The following GRK1 variants were observed in gnomAD, a reference collection of about 807,000 sequenced individuals.
GRK1 encodes the protein G protein-coupled receptor kinase 1.
A neutral mutation model predicts 41.7 loss-of-function variants in GRK1; 28 were observed. That is an observed-to-expected ratio of 0.67 (90% CI 0.50 to 0.92). The LOEUF (loss-of-function observed/expected upper bound fraction) is 0.92. Ranked by LOEUF, GRK1 falls within the 40% of genes least tolerant of loss-of-function variation. The probability of loss-of-function intolerance (pLI) is 0.00; values close to 1 mark genes in which losing one functional copy is unlikely to be tolerated. For synonymous variants in GRK1, 327 were observed against 286.7 expected, an observed-to-expected ratio of 1.14 and a Z score of -1.42; for missense variants, 703 against 671.2, an observed-to-expected ratio of 1.05 and a Z score of -0.52.
At chr13:113,733,815 G>C (rs1267462553) in intron 6 of GRK1, among the ~76,000 whole-genome samples, 1 of 105,092 alleles carries the variant, frequency 9.5e-6, no homozygotes, top group East Asian at 2.4e-4. Context: ...GTGTGCATAC[G>C]TGTGTGCGTG....
the GRK1 span, chr13:113,653,314 A>T: frequency 1.2e-6 from 2 of 1,611,102 alleles, no homozygotes; most frequent in Admixed American, 1.7e-5. Context: ...GCCGTTTCAC[A>T]CCTCACCTGC....
Position 113,731,353 on chromosome 13 carries a change from G to A in GRK1, c.1194+10G>A, listed in dbSNP as rs1257183494. Reference sequence around the variant, plus strand: ...AGCCCGTGGAGAGAAGGTAGGAGGCGGCCGGCAGGTGTCTCTGCAGCCACC... The same window carrying A: ...AGCCCGTGGAGAGAAGGTAGGAGGCAGCCGGCAGGTGTCTCTGCAGCCACC... On this transcript the variant is annotated intron_variant, in intron 5 of 6. Coordinates refer to ENST00000335678, the MANE Select transcript of GRK1 (RefSeq NM_002929.3). The surrounding 1 kb of genome is among the most constrained non-coding windows in gnomAD (Gnocchi z 5.6). 25 of 1,536,502 alleles carry A rather than the reference G, an allele frequency of 1.6e-5. No homozygotes were observed. Among genetic ancestry groups the A allele is most frequent in the South Asian group, 1.2e-4 (10 of 84,042 alleles).
chr13:113,656,880 G>A, the GRK1 span, among the ~76,000 whole-genome samples: 5 of 152,206 alleles, frequency 3.3e-5, no homozygotes, highest in Middle Eastern at 3.4e-3. Flanking sequence ...GGACCTGGCC[G>A]GCAGCCCCCA....
In GRK1 at chr13:113,732,871, C is replaced by T. The variant is rs1018460805; in HGVS notation, c.1195-13C>T. 7.2e-6 allele frequency: 11 copies of T among 1,535,712 alleles called. No individual in the cohort carries two copies. The highest frequency in any genetic ancestry group is 5.5e-5 in the African/African-American group (4 of 73,004). On this transcript the variant is annotated splice_polypyrimidine_tract_variant and intron_variant, in intron 5 of 6. Transcript: ENST00000335678. Reference sequence around the variant, plus strand: ...CGGGTCTGGCAGGGCTAAGGCTACGCGTGTCCCCACAGGTGGAGAACAAGG... The same window carrying T: ...CGGGTCTGGCAGGGCTAAGGCTACGTGTGTCCCCACAGGTGGAGAACAAGG...
the GRK1 span, chr13:113,651,562 G>A: frequency 3.2e-5 from 40 of 1,267,590 alleles, no homozygotes; most frequent in African/African-American, 2.3e-4. Flanking sequence ...CTGGGCCGAC[G>A]GCTGACATTC....
chr13:113,651,000 G>C, the GRK1 span, among the ~76,000 whole-genome samples: 5 of 151,982 alleles, frequency 3.3e-5, no homozygotes, highest in African/African-American at 1.2e-4. This position sits in a 1 kb window ranked among gnomAD's most constrained non-coding sequence, Gnocchi z 5.0. Flanking sequence ...AATCTCAGGA[G>C]CCGCAGTGTG....
At chr13:113,652,664 C>G in the GRK1 span, 261 of 677,402 alleles carry the variant, frequency 3.9e-4, no homozygotes, top group East Asian at 4.1e-3. Flanking sequence ...CGGCTATGTG[C>G]TGGTGTCTGA....
Position 113,735,535 on chromosome 13 carries a change from C to A in GRK1, c.*172C>A. The A allele has an allele frequency of 1.5e-6, 1 of 652,662 alleles. No homozygotes were observed. Among genetic ancestry groups the A allele is most frequent in the Non-Finnish European group, 2.4e-6 (1 of 416,770 alleles). The allele number at this position is 652,662 out of a possible 1,614,324, so 40.4% of individuals were successfully genotyped here. ...CCAAGGAGGAGAAAGCCCACATCGG[C>A]CTGAGCCGCCAGACGCACATGCTGG... On this transcript the variant is annotated 3_prime_UTR_variant, in exon 7 of 7. Transcript: ENST00000335678.
chr13:113,671,578 T>C lies in GRK1; in HGVS notation c.907T>C (p.Cys303Arg), dbSNP rs1464619825. ...RALFYTAQIICGLEHLHQRRI... is the reference protein window; with the variant it reads ...RALFYTAQIIRGLEHLHQRRI... ...CCTCTTCTACACGGCGCAGATCATC[T>C]GCGGCCTGGAGCACCTGCACCAGAG... Residue 303 changes from cysteine (C) to arginine (R), a missense_variant, in exon 3 of 7, where the codon TGC (cysteine) becomes CGC (arginine). Coordinates refer to ENST00000335678, the MANE Select transcript of GRK1 (RefSeq NM_002929.3). This position sits in a 1 kb window ranked among gnomAD's most constrained non-coding sequence, Gnocchi z 4.1. The C allele has an allele frequency of 2.6e-6, 2 of 776,534 alleles. No homozygotes were observed. The highest frequency in any genetic ancestry group is 2.4e-6 in the Non-Finnish European group (1 of 417,928). The allele number at this position is 776,534 out of a possible 1,614,324, so 48.1% of individuals were successfully genotyped here. A position where few individuals can be genotyped will look rare whatever the true frequency, so the allele number is the denominator to read the frequency against.
chr13:113,735,652 C>T lies in GRK1; in HGVS notation c.*289C>T. On this transcript the variant is annotated 3_prime_UTR_variant, in exon 7 of 7. Coordinates refer to ENST00000335678, the MANE Select transcript of GRK1 (RefSeq NM_002929.3). ...TCTCCAGAGGGAGTAAGCCAAAAAT[C>T]TACAAACTCTTAGGGAGCCTCCTGC... The T allele has an allele frequency of 3.1e-6, 1 of 325,964 alleles. No individual in the cohort carries two copies. The highest frequency in any genetic ancestry group is 4.7e-5 in the Admixed American group (1 of 21,468). 20.2% of individuals were successfully genotyped at this position (325,964 alleles called of 1,614,324 possible).
At chr13:113,733,704 CGTGTGT>C (rs370110804) in intron 6 of GRK1, among the ~76,000 whole-genome samples, 4 of 97,146 alleles carry the variant, frequency 4.1e-5, no homozygotes, top group African/African-American at 1.3e-4. Context: ...TACATGTGTG[CGTGTGT>C]GCGCACGTGT....
intron 6 of GRK1, among the ~76,000 whole-genome samples, chr13:113,733,712 C>CATACGTCTGT (rs2049962871): frequency 9.3e-6 from 1 of 107,882 alleles, no homozygotes. Context: ...TGCGTGTGTG[C>CATACGTCTGT]GCACGTGTGT....
intron 5 of GRK1, 126 bp from the exon 6 acceptor site, chr13:113,732,758 C>A: frequency 1.1e-6 from 1 of 930,884 alleles, no homozygotes. Context: ...TGGGGAGGGG[C>A]ACAAGGCCTC....
rs1485502084 is a variant in GRK1, at chr13:113,735,168, C to T, written c.1497C>T (p.Asp499=). Residue 499 remains aspartate, a synonymous_variant, in exon 7 of 7, where the codon GAC becomes GAT. Coordinates refer to ENST00000335678, the MANE Select transcript of GRK1 (RefSeq NM_002929.3). ...AFSTVKGVAF[D]KTDTEFFQEF... ...CCACCGTCAAAGGTGTGGCCTTTGA[C>T]AAAACAGACACAGAATTCTTTCAGG... 26 of 1,537,218 alleles carry T rather than the reference C, an allele frequency of 1.7e-5. No individual in the cohort carries two copies. Among genetic ancestry groups the T allele is most frequent in the Non-Finnish European group, 2.3e-5 (26 of 1,146,914 alleles).
intron 5 of GRK1, 58 bp from the exon 6 acceptor site, chr13:113,732,826 G>T: frequency 2.0e-6 from 3 of 1,524,046 alleles, no homozygotes; most frequent in South Asian, 2.4e-5. Context: ...CTGTGGTCTG[G>T]TCTGACCACC....
At chr13:113,652,515 A>T in the GRK1 span, among the ~76,000 whole-genome samples, 2 of 152,350 alleles carry the variant, frequency 1.3e-5, no homozygotes, top group East Asian at 3.9e-4. Flanking sequence ...CCTCTGCTTT[A>T]GAAGGTGCTA....
chr13:113,730,074 C>A (rs2049924307), intron 4 of GRK1, among the ~76,000 whole-genome samples: 2 of 141,124 alleles, frequency 1.4e-5, no homozygotes, highest in South Asian at 4.8e-4. Context: ...CACAGTCCCC[C>A]AGTCCCCGTG....
chr13:113,728,013 TGAG>T (rs1408490680), intron 4 of GRK1, among the ~76,000 whole-genome samples: 1 of 33,254 alleles, frequency 3.0e-5, no homozygotes, highest in African/African-American at 2.0e-4. Flanking sequence ...CCCATGGCGA[TGAG>T]GAGTACCCAT....
At chr13:113,652,776 C>T in the GRK1 span, 3 of 1,423,678 alleles carry the variant, frequency 2.1e-6, no homozygotes, top group South Asian at 1.2e-5. Context: ...CTTGGGCAAG[C>T]CCCAGACAGG....
Sources: allele counts gnomAD v4.1 joint callset (sites outside exome capture counted in the v4.1 genomes callset), GRCh38; gene constraint gnomAD v4.1.1; non-coding constraint Gnocchi (gnomAD v3.1); transcripts MANE v1.5; gene names NCBI Gene and HGNC (gene_info 2026-07-23, HGNC 2026-07-21).